IWS1: variants seen among roughly 807,000 people sequenced by gnomAD.
The protein encoded by IWS1 is interacts with SUPT6H, CTD assembly factor 1.
Under a neutral mutation model 86.7 loss-of-function variants are expected in IWS1, and 27 were observed. That is an observed-to-expected ratio of 0.31 (90% CI 0.23 to 0.43). The LOEUF (loss-of-function observed/expected upper bound fraction) is 0.43, where lower values mean the gene tolerates loss of function less well. IWS1 is among the 20% of genes least tolerant of loss of function. The pLI, the probability that IWS1 is intolerant of heterozygous loss-of-function variation, is 1.00. For synonymous variants in IWS1, 313 were observed against 335.1 expected, an observed-to-expected ratio of 0.93 and a Z score of 0.72; for missense variants, 827 against 1,000.8, an observed-to-expected ratio of 0.83 and a Z score of 2.34.
intron 2 of IWS1, chr2:127,506,614 T>A (rs1319523471): frequency 6.1e-6 from 1 of 164,644 alleles, no homozygotes; most frequent in Non-Finnish European, 1.5e-5. Flanking sequence ...TAAGAGCCAA[T>A]ACCACAACAG....
intron 2 of IWS1, among the ~76,000 whole-genome samples, chr2:127,513,551 T>G (rs1691586902): frequency 6.6e-6 from 1 of 151,730 alleles, no homozygotes; most frequent in Non-Finnish European, 1.5e-5. Flanking sequence ...AATATAAAGA[T>G]AAAAACAGAA....
chr2:127,517,251 T>A (rs1376952422), intron 2 of IWS1, among the ~76,000 whole-genome samples: 1 of 152,126 alleles, frequency 6.6e-6, no homozygotes. Flanking sequence ...ACAAACTGAT[T>A]CTAAAATACA....
At chr2:127,491,112 A>G (rs1396380659) in intron 10 of IWS1, among the ~76,000 whole-genome samples, 1 of 152,214 alleles carries the variant, frequency 6.6e-6, no homozygotes, top group Non-Finnish European at 1.5e-5. Flanking sequence ...ACTTCTCTGG[A>G]TTTCTCTGGC....
chr2:127,499,258 T>G lies in IWS1; in HGVS notation c.1468-1021A>C, dbSNP rs1157672405. Among the ~76,000 whole-genome samples the G allele has an allele frequency of 2.6e-5, 4 of 151,938 alleles. No individual in the cohort carries two copies. The highest frequency in any genetic ancestry group is 6.6e-5 in the Admixed American group (1 of 15,262). ...GGCGCCTGCCACCATGCCCAGCTAA[T>G]TTTTCGTATTTTTAGTAGAGATGGG... On this transcript the variant is annotated intron_variant, in intron 5 of 13. Coordinates refer to ENST00000295321, the MANE Select transcript of IWS1 (RefSeq NM_017969.3). This position sits in a 1 kb window ranked among gnomAD's most constrained non-coding sequence, Gnocchi z 4.0.
chr2:127,516,255 C>G (rs1276162954), intron 2 of IWS1, among the ~76,000 whole-genome samples: 1 of 152,148 alleles, frequency 6.6e-6, no homozygotes, highest in Non-Finnish European at 1.5e-5. Flanking sequence ...ACTAAGGAGT[C>G]TGAGGCAGGA....
chr2:127,490,994 TGGA>T (rs1368263360), intron 10 of IWS1: 1 of 152,198 alleles, frequency 6.6e-6, no homozygotes, highest in African/African-American at 2.4e-5. Context: ...CTTTTCAACA[TGGA>T]GGACAGGAAG....
At chr2:127,520,814 A>G (rs369460726) in intron 2 of IWS1, among the ~76,000 whole-genome samples, 166 of 152,360 alleles carry the variant, frequency 1.1e-3, no homozygotes, top group South Asian at 2.5e-3. Context: ...TATTTAATAC[A>G]ATAGCTAAAC....
intron 12 of IWS1, among the ~76,000 whole-genome samples, chr2:127,487,581 C>T (rs1558740340): frequency 6.6e-6 from 1 of 152,114 alleles, no homozygotes; most frequent in Admixed American, 6.6e-5. Context: ...ACTTGAATCT[C>T]GCTCTGTTGC....
At chr2:127,498,829 G>A (rs995224468) in intron 5 of IWS1, 7 of 152,112 alleles carry the variant, frequency 4.6e-5, no homozygotes, top group Non-Finnish European at 1.0e-4. Flanking sequence ...ACAAATCTCA[G>A]GGTAGGTTTA....
In IWS1 at chr2:127,489,845, G is replaced by T; in HGVS notation, c.2146C>A (p.Arg716=). Residue 716 remains arginine (R), a synonymous_variant, in exon 11 of 14, where the codon CGA becomes AGA. Coordinates refer to ENST00000295321, the MANE Select transcript of IWS1 (RefSeq NM_017969.3). The surrounding 1 kb of genome is among the most constrained non-coding windows in gnomAD (Gnocchi z 4.8). ...QRDLEQMPQR[R]RMNSTGGQTP... ...GTTCCCTCATACCTGTTCATTCTTC[G>T]TCGTTGAGGCATCTGTTCTAGATCT... The T allele has an allele frequency of 6.3e-7, 1 of 1,597,058 alleles. No individual in the cohort carries two copies. Among genetic ancestry groups the T allele is most frequent in the Non-Finnish European group, 8.6e-7 (1 of 1,164,684 alleles).
At chr2:127,491,248 C>G (rs1218771354) in intron 10 of IWS1, among the ~76,000 whole-genome samples, 1 of 152,226 alleles carries the variant, frequency 6.6e-6, no homozygotes, top group African/African-American at 2.4e-5. Context: ...CTCATTTAAT[C>G]TTTAAAGTCA....
chr2:127,514,036 C>T (rs759686261), intron 2 of IWS1, among the ~76,000 whole-genome samples: 2 of 152,120 alleles, frequency 1.3e-5, no homozygotes, highest in African/African-American at 4.8e-5. Context: ...CCTTTATTCC[C>T]GTTTGCCTGC....
Position 127,489,117 on chromosome 2 carries a change from T to A in IWS1, c.2216+62A>T. On this transcript the variant is annotated intron_variant, in intron 12 of 13. Coordinates refer to ENST00000295321, the MANE Select transcript of IWS1 (RefSeq NM_017969.3). The surrounding 1 kb of genome is among the most constrained non-coding windows in gnomAD (Gnocchi z 4.8). ...ACATCATTTCATTTACTACTTTTCT[T>A]AAAGCAGCAAACGGAAATTCTCTAT... The A allele has an allele frequency of 1.7e-6, 2 of 1,195,694 alleles. No individual in the cohort carries two copies. The highest frequency in any genetic ancestry group is 2.4e-6 in the Non-Finnish European group (2 of 820,446). 74.1% of individuals were successfully genotyped at this position (1,195,694 alleles called of 1,614,324 possible).
chr2:127,489,943 T>A lies in IWS1; in HGVS notation c.2048A>T (p.Asn683Ile). ...ACCAAATATAGGCCTAGACCACTCA[T>A]CTGTAGTAAGAAAAAAATCAATTAT... Reference protein sequence around the residue: ...SNKDMAGKLINEWSRPIFGLT... With the variant: ...SNKDMAGKLIIEWSRPIFGLT... The change falls in exon 11 of 14, where the codon AAT (asparagine) becomes ATT (isoleucine). Residue 683 changes from asparagine to isoleucine, a missense_variant and splice_region_variant. By Grantham distance (149) the Asn-to-Ile change is moderately radical (BLOSUM62 -3). Transcript: ENST00000295321. This position sits in a 1 kb window ranked among gnomAD's most constrained non-coding sequence, Gnocchi z 4.8. The A allele has an allele frequency of 6.7e-7, 1 of 1,498,586 alleles. No individual in the cohort carries two copies. Among genetic ancestry groups the A allele is most frequent in the Admixed American group, 1.8e-5 (1 of 56,668 alleles). The allele number at this position is 1,498,586 out of a possible 1,614,324, so 92.8% of individuals were successfully genotyped here. A position where few individuals can be genotyped will look rare whatever the true frequency, so the allele number is the denominator to read the frequency against.
In IWS1 at chr2:127,493,389, G is replaced by C; in HGVS notation, c.1821C>G (p.Phe607Leu). Residue 607 changes from phenylalanine to leucine, a missense_variant, in exon 9 of 14, where the codon TTC (phenylalanine) becomes TTG (leucine). Phe to Leu is a conservative substitution (Grantham distance 22). This residue lies in a region of IWS1 where 279 missense variants were observed against 440.6 expected (regional missense o/e 0.63). Transcript: ENST00000295321. ...TGGCAGACATCACACCACTGTCAAT[G>C]AATGTTTCTTTAAGGTCCTGCCTGC... ...HLKKQDLKETFIDSGVMSAIK... is the reference protein window; with the variant it reads ...HLKKQDLKETLIDSGVMSAIK... 1 of 1,610,078 alleles carries C rather than the reference G, an allele frequency of 6.2e-7. No homozygotes were observed. The highest frequency in any genetic ancestry group is 8.5e-7 in the Non-Finnish European group (1 of 1,178,584).
intron 2 of IWS1, among the ~76,000 whole-genome samples, chr2:127,518,175 G>T (rs975838211): frequency 2.0e-5 from 3 of 152,158 alleles, no homozygotes; most frequent in African/African-American, 4.8e-5. Context: ...AAATACTAAA[G>T]ATCACTGAAT....
Position 127,505,131 on chromosome 2 carries a change from G to A in IWS1, c.772C>T (p.His258Tyr), listed in dbSNP as rs1490125933. ...SDSESEDPPR[H>Y]QASDSENEEL... ...TCATTTTCTGAGTCACTGGCCTGGTGCCTCGGAGGGTCCTCACTTTCTGAG... is the reference window on the plus strand; with the variant it reads ...TCATTTTCTGAGTCACTGGCCTGGTACCTCGGAGGGTCCTCACTTTCTGAG... Residue 258 changes from histidine to tyrosine, a missense_variant, in exon 3 of 14, where the codon CAC becomes TAC. His to Tyr is a moderately conservative substitution (Grantham distance 83). Coordinates refer to ENST00000295321, the MANE Select transcript of IWS1 (RefSeq NM_017969.3). This position sits in a 1 kb window ranked among gnomAD's most constrained non-coding sequence, Gnocchi z 5.0. The A allele has an allele frequency of 6.8e-6, 11 of 1,610,766 alleles. No individual in the cohort carries two copies. The highest frequency in any genetic ancestry group is 2.2e-5 in the East Asian group (1 of 44,856).
intron 2 of IWS1, among the ~76,000 whole-genome samples, chr2:127,508,897 C>T (rs1020527802): frequency 3.3e-5 from 5 of 152,164 alleles, no homozygotes; most frequent in African/African-American, 1.2e-4. Context: ...GGGCAGTCAT[C>T]CAAAACTCAC....
At chr2:127,521,938 T>C (rs1374020449) in intron 2 of IWS1, among the ~76,000 whole-genome samples, 2 of 152,244 alleles carry the variant, frequency 1.3e-5, no homozygotes, top group East Asian at 3.8e-4. Context: ...GATTAATCTC[T>C]GAATGCTGTT....
Sources: gnomAD v4.1 joint callset for allele counts (sites outside exome capture counted in the v4.1 genomes callset) on GRCh38, gnomAD v4.1.1 for gene constraint, gnomAD v4.1.1 regional missense constraint, Gnocchi (gnomAD v3.1) non-coding constraint, MANE v1.5 for transcripts, NCBI Gene and HGNC (gene_info 2026-07-23, HGNC 2026-07-21) for gene names.